The following TMEM163 variants were observed in gnomAD, a reference collection of about 807,000 sequenced individuals.
The protein encoded by TMEM163 is transmembrane protein 163.
In TMEM163, 17 loss-of-function variants were observed where a neutral mutation model predicts 29.3. That is an observed-to-expected ratio of 0.58 (90% CI 0.40 to 0.87). TMEM163 has a LOEUF of 0.87. Ranked by LOEUF, TMEM163 falls within the 40% of genes least tolerant of loss-of-function variation. The pLI is 0.00. For synonymous variants in TMEM163, 157 were observed against 160.6 expected (o/e 0.98, Z 0.17); for missense variants, 303 against 381.5 (o/e 0.79, Z 1.71).
At chr2:134,644,982 G>C (rs1283318863) in intron 2 of TMEM163, among the ~76,000 whole-genome samples, 1 of 152,094 alleles carries the variant, frequency 6.6e-6, no homozygotes, top group Non-Finnish European at 1.5e-5. Context: ...TACTAAAAAA[G>C]ATATACAAAT....
chr2:134,699,503 CA>C (rs113283992), intron 2 of TMEM163, among the ~76,000 whole-genome samples: 9,806 of 131,904 alleles, frequency 0.074, 428 homozygotes, highest in East Asian at 0.21. Flanking sequence ...GGCTCAATCT[CA>C]AAAAAAAAAA....
intron 2 of TMEM163, among the ~76,000 whole-genome samples, chr2:134,685,218 G>A (rs1341199104): frequency 6.6e-6 from 1 of 152,190 alleles, no homozygotes; most frequent in African/African-American, 2.4e-5. Context: ...TCTTAAAGAT[G>A]TCTGACCCTT....
chr2:134,539,456 A>G (rs1228875418), intron 4 of TMEM163, among the ~76,000 whole-genome samples: 2 of 152,240 alleles, frequency 1.3e-5, no homozygotes, highest in Non-Finnish European at 2.9e-5. Context: ...GGCTGATCAC[A>G]GGAAAGCAAT....
intron 2 of TMEM163, among the ~76,000 whole-genome samples, chr2:134,615,209 A>G (rs1213908814): frequency 6.6e-6 from 1 of 152,234 alleles, no homozygotes; most frequent in Non-Finnish European, 1.5e-5. Context: ...AGTTTGAAGC[A>G]CTAAAAAGGA....
In TMEM163 at chr2:134,491,145, G is replaced by A. The variant is rs980193334; in HGVS notation, c.555+11756C>T. On this transcript the variant is annotated intron_variant, in intron 5 of 7. Transcript: ENST00000281924. ...GCAAAAGATTCACTCAGTGTCCCAAGTCAAGTAGAGAGGCATGTGAAGAGC... is the reference window on the plus strand; with the variant it reads ...GCAAAAGATTCACTCAGTGTCCCAAATCAAGTAGAGAGGCATGTGAAGAGC... 2.3e-4 allele frequency among the ~76,000 whole-genome samples: 6 copies of A among 26,440 alleles called. No homozygotes were observed. In the African/African-American group the frequency reaches 3.5e-3, roughly 15 times the overall value. 17.3% of individuals were successfully genotyped at this position (26,440 alleles called of 152,430 possible).
chr2:134,669,159 T>G (rs115689831), intron 2 of TMEM163, among the ~76,000 whole-genome samples: 2,488 of 152,322 alleles, frequency 0.016, 83 homozygotes, highest in African/African-American at 0.057. Flanking sequence ...CAGGATATGC[T>G]GGCACTATAA....
At chr2:134,557,596 C>A (rs1264322063) in intron 2 of TMEM163, among the ~76,000 whole-genome samples, 1 of 152,166 alleles carries the variant, frequency 6.6e-6, no homozygotes, top group East Asian at 1.9e-4. Flanking sequence ...AGGTAGGTAA[C>A]AGACAAATGG....
rs576673860 is a variant in TMEM163 at position 134,690,959 on chromosome 2, C to A, written c.322+22241G>T. Among the ~76,000 whole-genome samples the A allele has an allele frequency of 3.9e-5, 6 of 152,318 alleles. No homozygotes were observed. In the South Asian group the frequency reaches 1.2e-3, roughly 32 times the overall value. On this transcript the variant is annotated intron_variant, in intron 2 of 7. Transcript: ENST00000281924. ...AACCCTGACTACCCATCTACCTGGT[C>A]CAGGCAATCGGTGCCCCAGGGGTGG... is the stretch of plus-strand genomic sequence containing the variant.
At chr2:134,612,542 A>AACACAC (rs3039625) in intron 2 of TMEM163, among the ~76,000 whole-genome samples, 12,022 of 140,558 alleles carry the variant, frequency 0.086, 750 homozygotes, top group African/African-American at 0.17. Context: ...GGTTTGCCCC[A>AACACAC]ACACACACAC....
chr2:134,697,615 C>T (rs961745162), intron 2 of TMEM163, among the ~76,000 whole-genome samples: 1 of 152,036 alleles, frequency 6.6e-6, no homozygotes, highest in Non-Finnish European at 1.5e-5. Flanking sequence ...CAGGTGCCTG[C>T]CACCATGCCC....
At chr2:134,467,967 CCAGG>C (rs1357437512) in intron 5 of TMEM163, 1 of 152,186 alleles carries the variant, frequency 6.6e-6, no homozygotes, top group Non-Finnish European at 1.5e-5. Flanking sequence ...CCGTCCCAAA[CCAGG>C]CCTCTTGACA....
intron 2 of TMEM163, among the ~76,000 whole-genome samples, chr2:134,568,652 AAAAGAAGGAAGGAAGG>A (rs1342161699): frequency 6.6e-6 from 1 of 151,762 alleles, no homozygotes; most frequent in Non-Finnish European, 1.5e-5. Context: ...AAAAGGAGAA[AAAAGAAGGAAGGAAGG>A]AAAGAAGGAA....
intron 4 of TMEM163, among the ~76,000 whole-genome samples, chr2:134,516,010 G>C (rs182626208): frequency 1.3e-5 from 2 of 152,148 alleles, no homozygotes; most frequent in Non-Finnish European, 2.9e-5. Flanking sequence ...CACGTACTAC[G>C]TGTCCTGCAG....
At chr2:134,677,912 T>C (rs1684150798) in intron 2 of TMEM163, among the ~76,000 whole-genome samples, 1 of 152,178 alleles carries the variant, frequency 6.6e-6, no homozygotes, top group Non-Finnish European at 1.5e-5. Flanking sequence ...GTTCTCCACA[T>C]ACAGTTTGAC....
At chr2:134,549,563 T>A (rs1680865494) in intron 4 of TMEM163, among the ~76,000 whole-genome samples, 1 of 152,074 alleles carries the variant, frequency 6.6e-6, no homozygotes, top group Non-Finnish European at 1.5e-5. Context: ...AGGCTGGTCT[T>A]GAACTCCTGG....
At chr2:134,676,661 G>A (rs1244912423) in intron 2 of TMEM163, among the ~76,000 whole-genome samples, 1 of 152,112 alleles carries the variant, frequency 6.6e-6, no homozygotes, top group Admixed American at 6.5e-5. Context: ...CCTTGGAAGT[G>A]ACCTCTCACG....
rs1043459923 is a variant in TMEM163, at chr2:134,474,365, C to T, written c.556-8140G>A. 2.0e-5 allele frequency among the ~76,000 whole-genome samples: 3 copies of T among 152,128 alleles called. No homozygotes were observed. The East Asian group carries it at 5.8e-4, about 29-fold the overall frequency. On this transcript the variant is annotated intron_variant, in intron 5 of 7. Coordinates refer to ENST00000281924, the MANE Select transcript of TMEM163 (RefSeq NM_030923.5). ...ACAGAGGAAGCCAAAGACTTCTCAG[C>T]ACTCTAGGAATGGAAAGGAATTTCC...
chr2:134,551,693 G>A (rs546117504), intron 3 of TMEM163, among the ~76,000 whole-genome samples: 40 of 152,266 alleles, frequency 2.6e-4, no homozygotes, highest in African/African-American at 6.3e-4. Flanking sequence ...AAGTAGCCCC[G>A]ATCTTCACTC....
At chr2:134,563,186 G>A (rs1372832542) in intron 2 of TMEM163, among the ~76,000 whole-genome samples, 2 of 152,192 alleles carry the variant, frequency 1.3e-5, no homozygotes, top group African/African-American at 4.8e-5. Flanking sequence ...TTCCATCAAC[G>A]AGAGGAGCCA....
Sources: gnomAD v4.1 joint callset for allele counts (sites outside exome capture counted in the v4.1 genomes callset) on GRCh38, gnomAD v4.1.1 for gene constraint, MANE v1.5 for transcripts, NCBI Gene and HGNC (gene_info 2026-07-23, HGNC 2026-07-21) for gene names.